The following ULK4 variants were observed in gnomAD, a reference collection of about 807,000 sequenced individuals.
The protein encoded by ULK4 is inactive serine/threonine-protein kinase ULK4.
ULK4 carries 133 observed loss-of-function variants against 160.6 expected under a neutral mutation model. The ratio of observed to expected loss-of-function variants is 0.83; its 90% CI spans 0.72 to 0.96. ULK4 has a LOEUF of 0.96. ULK4 is among the 40% of genes least tolerant of loss of function. ULK4 has a pLI of 0.00. For missense variants in ULK4, 1,580 were observed against 1,499.5 expected (o/e 1.05, Z -0.89); for synonymous variants, 534 against 539.8 (o/e 0.99, Z 0.15).
intron 17 of ULK4, among the ~76,000 whole-genome samples, chr3:41,845,625 T>C (rs944842247): frequency 6.6e-6 from 1 of 152,218 alleles, no homozygotes; most frequent in Non-Finnish European, 1.5e-5. Context: ...GTCAATATTC[T>C]GGTTGTAAAA....
In ULK4 at chr3:41,446,329, G is replaced by C. The variant is rs186813952; in HGVS notation, c.3492+9168C>G. ...GGAAGTCAGTGTGGCGATTCCTCAG[G>C]GATCTAGAACTAGAAATACCATTTG... On this transcript the variant is annotated intron_variant, in intron 34 of 36. Coordinates refer to ENST00000301831, the MANE Select transcript of ULK4 (RefSeq NM_017886.4). Among the ~76,000 whole-genome samples, 252 of 152,132 alleles carry C rather than the reference G, an allele frequency of 1.7e-3. 1 individual carries two copies. Among genetic ancestry groups the C allele is most frequent in the Middle Eastern group, 0.01 (3 of 294 alleles).
intron 34 of ULK4, among the ~76,000 whole-genome samples, chr3:41,431,842 T>TGCAGTGGCGCGATCTCGGTTCACC (rs2082919200): frequency 6.7e-6 from 1 of 148,828 alleles, no homozygotes; most frequent in African/African-American, 2.5e-5. Context: ...CAGGCTGGAG[T>TGCAGTGGCGCGATCTCGGTTCACC]GCAGTGGCGC....
intron 32 of ULK4, among the ~76,000 whole-genome samples, chr3:41,520,622 G>A (rs1324496762): frequency 6.6e-6 from 1 of 152,144 alleles, no homozygotes; most frequent in African/African-American, 2.4e-5. Flanking sequence ...TTAACGTTCT[G>A]AGGAACTACT....
At chr3:41,401,944 T>C (rs1434711309) in intron 34 of ULK4, among the ~76,000 whole-genome samples, 1 of 152,144 alleles carries the variant, frequency 6.6e-6, no homozygotes, top group East Asian at 1.9e-4. Flanking sequence ...TTTAGCACAC[T>C]AGGATCTTTT....
At chr3:41,770,128 A>C (rs898676656) in intron 21 of ULK4, among the ~76,000 whole-genome samples, 1 of 152,238 alleles carries the variant, frequency 6.6e-6, no homozygotes, top group African/African-American at 2.4e-5. Flanking sequence ...CAATATACAC[A>C]CATAATCCGA....
intron 32 of ULK4, among the ~76,000 whole-genome samples, chr3:41,541,334 T>C (rs920556068): frequency 4.6e-5 from 7 of 152,104 alleles, no homozygotes; most frequent in African/African-American, 1.7e-4. Context: ...GATCAGATGG[T>C]TGTAGATGTG....
At chr3:41,413,581 TA>T (rs914971875) in intron 34 of ULK4, among the ~76,000 whole-genome samples, 23 of 152,312 alleles carry the variant, frequency 1.5e-4, no homozygotes, top group Non-Finnish European at 3.4e-4. Flanking sequence ...TGGAGATCCA[TA>T]AAAAAGTATT....
chr3:41,287,875 TCAC>T (rs745802791), intron 35 of ULK4, among the ~76,000 whole-genome samples: 2 of 152,226 alleles, frequency 1.3e-5, no homozygotes, highest in Non-Finnish European at 2.9e-5. Flanking sequence ...GTCTTACAGT[TCAC>T]CAAGGTTACA....
chr3:41,942,325 C>T (rs1175256481), intron 2 of ULK4, among the ~76,000 whole-genome samples: 1 of 152,036 alleles, frequency 6.6e-6, no homozygotes, highest in African/African-American at 2.4e-5. Flanking sequence ...TTAAGACCAG[C>T]CTGGCCAACA....
chr3:41,324,024 C>A (rs1288776163), intron 35 of ULK4, among the ~76,000 whole-genome samples: 2 of 152,202 alleles, frequency 1.3e-5, no homozygotes, highest in Non-Finnish European at 2.9e-5. Context: ...ATGCCTGTCA[C>A]TGCAGGACCA....
At chr3:41,343,287 C>A (rs2080724551) in intron 35 of ULK4, among the ~76,000 whole-genome samples, 1 of 148,370 alleles carries the variant, frequency 6.7e-6, no homozygotes, top group African/African-American at 2.5e-5. Flanking sequence ...ATTGTCTCAG[C>A]CCAAAAACTT....
rs182371035 is a variant in ULK4 at position 41,516,966 on chromosome 3, T to C, written c.3226+49059A>G. Among the ~76,000 whole-genome samples, 4 of 152,224 alleles carry C rather than the reference T, an allele frequency of 2.6e-5. No homozygotes were observed. In the East Asian group the frequency reaches 5.8e-4, roughly 22 times the overall value. On this transcript the variant is annotated intron_variant, in intron 32 of 36. Transcript: ENST00000301831. The stretch of plus-strand genomic sequence containing the variant: ...AATATATACACCTACTATGTACCCA[T>C]AAACAATTTTTTAAAGGACCTGTAT...
intron 35 of ULK4, among the ~76,000 whole-genome samples, chr3:41,324,988 A>C (rs1275054331): frequency 6.6e-6 from 1 of 152,078 alleles, no homozygotes; most frequent in Non-Finnish European, 1.5e-5. Flanking sequence ...TTTCCAAAGA[A>C]GGTAACTACC....
chr3:41,599,323 G>C (rs1388545713), intron 31 of ULK4, among the ~76,000 whole-genome samples: 8 of 152,164 alleles, frequency 5.3e-5, no homozygotes, highest in Non-Finnish European at 1.5e-5. Context: ...ATCTACATCA[G>C]CTGATTAAGA....
intron 34 of ULK4, among the ~76,000 whole-genome samples, chr3:41,450,305 T>C (rs565182268): frequency 2.0e-5 from 3 of 152,150 alleles, no homozygotes; most frequent in African/African-American, 4.8e-5. Context: ...GGGTTTGAAG[T>C]TCCCCCTGAA....
chr3:41,567,365 G>C (rs897306150), intron 31 of ULK4, among the ~76,000 whole-genome samples: 7 of 151,670 alleles, frequency 4.6e-5, no homozygotes, highest in African/African-American at 1.7e-4. Context: ...GCAAGGTTCA[G>C]AGGGCAGCAG....
At chr3:41,692,533 T>C (rs1289040935) in intron 27 of ULK4, among the ~76,000 whole-genome samples, 1 of 151,690 alleles carries the variant, frequency 6.6e-6, no homozygotes, top group Non-Finnish European at 1.5e-5. Flanking sequence ...ATATGCTACA[T>C]ATTTTATGAC....
rs78141828 is a variant in ULK4 at position 41,256,308 on chromosome 3, A to C, written c.3679-6734T>G. Among the ~76,000 whole-genome samples, 361 of 152,334 alleles carry C rather than the reference A, an allele frequency of 2.4e-3. 2 individuals carry two copies. Among genetic ancestry groups the C allele is most frequent in the African/African-American group, 8.2e-3 (339 of 41,578 alleles). ...AAATAATTTTGAAAAAGCAGAATAAAATTTAGCCATCATACTACCCAACTT... is the reference window on the plus strand; with the variant it reads ...AAATAATTTTGAAAAAGCAGAATAACATTTAGCCATCATACTACCCAACTT... On this transcript the variant is annotated intron_variant, in intron 35 of 36. Coordinates refer to ENST00000301831, the MANE Select transcript of ULK4 (RefSeq NM_017886.4).
chr3:41,937,221 G>A, intron 3 of ULK4: 1 of 555,908 alleles, frequency 1.8e-6, no homozygotes, highest in Non-Finnish European at 3.2e-6. Context: ...TTACAGTTAG[G>A]ATATTACATC....
Sources: gnomAD v4.1 joint callset for allele counts (sites outside exome capture counted in the v4.1 genomes callset) on GRCh38, gnomAD v4.1.1 for gene constraint, MANE v1.5 for transcripts, NCBI Gene and HGNC (gene_info 2026-07-23, HGNC 2026-07-21) for gene names.